The following PLD1 variants were observed in gnomAD, a reference collection of about 807,000 sequenced individuals.
PLD1 encodes the protein choline phosphatase 1.
In PLD1, 112 loss-of-function variants were observed where a neutral mutation model predicts 137.1. The observed-to-expected ratio is 0.82, with a 90% CI of 0.70 to 0.96. PLD1 has a LOEUF of 0.96. Among genes scored for constraint, PLD1 ranks in the 40% least tolerant of loss-of-function variants. The pLI is 0.00. For synonymous variants in PLD1, 431 were observed against 454.7 expected (o/e 0.95, Z 0.66); for missense variants, 1,321 against 1,342.0 (o/e 0.98, Z 0.24).
At chr3:171,652,603 A>T (rs962507877) in intron 21 of PLD1, among the ~76,000 whole-genome samples, 8 of 147,990 alleles carry the variant, frequency 5.4e-5, no homozygotes, top group Non-Finnish European at 9.0e-5. Context: ...CATTCATCTG[A>T]TTTTTTTTTT....
At chr3:171,661,976 T>C (rs1265788194) in intron 20 of PLD1, 84 bp downstream of exon 20, 1 of 696,764 alleles carries the variant, frequency 1.4e-6, no homozygotes, top group Non-Finnish European at 2.5e-6. Flanking sequence ...ATATGAGGGG[T>C]CCTAAGTTTG....
intron 1 of PLD1, among the ~76,000 whole-genome samples, chr3:171,782,435 A>T (rs1451614127): frequency 6.6e-6 from 1 of 152,246 alleles, no homozygotes; most frequent in East Asian, 1.9e-4. Flanking sequence ...ACAAATAGGG[A>T]AGGAAATTAA....
intron 26 of PLD1, among the ~76,000 whole-genome samples, chr3:171,604,569 TG>T (rs1330402394): frequency 1.3e-5 from 2 of 152,178 alleles, no homozygotes; most frequent in East Asian, 3.8e-4. Context: ...TTTTCCCTGA[TG>T]GGCAACTAGC....
At chr3:171,697,309 A>C (rs1403680513) in intron 12 of PLD1, among the ~76,000 whole-genome samples, 3 of 143,598 alleles carry the variant, frequency 2.1e-5, no homozygotes, top group Non-Finnish European at 4.5e-5. Context: ...CAGTGGCACA[A>C]TCTCGACTCA....
chr3:171,660,411 G>A (rs1046279906), intron 20 of PLD1, among the ~76,000 whole-genome samples: 2 of 152,162 alleles, frequency 1.3e-5, no homozygotes, highest in African/African-American at 2.4e-5. Context: ...CTCAGCAGCT[G>A]TAAACACAGA....
chr3:171,775,216 C>A lies in PLD1; in HGVS notation c.-32+35183G>T, dbSNP rs868516716. On this transcript the variant is annotated intron_variant, in intron 1 of 26. Transcript: ENST00000351298. ...ACGTCAAAGATATTTTCTTAGACAT[C>A]AAGGATTTTTCATATCACATTAGTT... 4.6e-5 allele frequency among the ~76,000 whole-genome samples: 7 copies of A among 152,138 alleles called. No homozygotes were observed. In the South Asian group the frequency reaches 1.2e-3, roughly 27 times the overall value.
chr3:171,779,533 T>C (rs1722709133), intron 1 of PLD1, among the ~76,000 whole-genome samples: 1 of 152,226 alleles, frequency 6.6e-6, no homozygotes, highest in South Asian at 2.1e-4. Flanking sequence ...TGAGAGACCT[T>C]TTAGATATCC....
In PLD1 at chr3:171,626,684, TG is replaced by T. The variant is rs1269046196; in HGVS notation, c.2594-6165del. Among the ~76,000 whole-genome samples the T allele has an allele frequency of 5.3e-5, 8 of 151,540 alleles. 1 individual carries two copies. Among genetic ancestry groups the T allele is most frequent in the African/African-American group, 1.7e-4 (7 of 41,016 alleles). Reference sequence around the variant, plus strand: ...AGAAACTCTACAAGCCAGAAGAGAGTGGGGGCCAATATTCAACATTCTTAAA... The same window carrying T: ...AGAAACTCTACAAGCCAGAAGAGAGTGGGGCCAATATTCAACATTCTTAAA... On this transcript the variant is annotated intron_variant, in intron 23 of 26. Transcript: ENST00000351298.
chr3:171,766,306 T>A (rs1397105663), intron 1 of PLD1, among the ~76,000 whole-genome samples: 1 of 152,168 alleles, frequency 6.6e-6, no homozygotes, highest in Non-Finnish European at 1.5e-5. Flanking sequence ...TTCCCTTTTT[T>A]AAAATGAATA....
chr3:171,771,820 C>T (rs1366018099), intron 1 of PLD1, among the ~76,000 whole-genome samples: 5 of 152,164 alleles, frequency 3.3e-5, no homozygotes, highest in African/African-American at 1.2e-4. Context: ...AGCTTAAAAA[C>T]CTCATCAAAT....
At chr3:171,761,214 C>T (rs1721369489) in intron 1 of PLD1, among the ~76,000 whole-genome samples, 1 of 152,164 alleles carries the variant, frequency 6.6e-6, no homozygotes, top group Non-Finnish European at 1.5e-5. Context: ...GTGGTAGGAA[C>T]ACACTTTATA....
chr3:171,726,407 G>T (rs898411005), intron 6 of PLD1, among the ~76,000 whole-genome samples: 1 of 152,130 alleles, frequency 6.6e-6, no homozygotes, highest in East Asian at 1.9e-4. Flanking sequence ...GATGGATATT[G>T]TGTGGCACAG....
At chr3:171,733,115 TA>T (rs1422810577) in intron 6 of PLD1, among the ~76,000 whole-genome samples, 1 of 152,186 alleles carries the variant, frequency 6.6e-6, no homozygotes, top group Non-Finnish European at 1.5e-5. Context: ...TCTTTGTAGC[TA>T]AAAAATGCTT....
intron 21 of PLD1, among the ~76,000 whole-genome samples, chr3:171,652,238 C>A (rs1343216409): frequency 1.3e-5 from 2 of 151,948 alleles, no homozygotes; most frequent in Non-Finnish European, 2.9e-5. Context: ...ACAGTGAAAC[C>A]CCGTCTCTAC....
intron 23 of PLD1, among the ~76,000 whole-genome samples, chr3:171,629,550 G>A (rs1273265466): frequency 6.6e-6 from 1 of 152,150 alleles, no homozygotes; most frequent in Non-Finnish European, 1.5e-5. Context: ...AGCCCGCATT[G>A]CCAAGTCAAT....
At chr3:171,688,962 AG>A in intron 13 of PLD1, 86 bp from the exon 14 acceptor site, 1 of 947,158 alleles carries the variant, frequency 1.1e-6, no homozygotes, top group Non-Finnish European at 1.7e-6. Context: ...CTCCCTGAAA[AG>A]CATTTTCTAT....
chr3:171,737,575 T>A lies in PLD1; in HGVS notation c.245A>T (p.Lys82Ile), dbSNP rs1430878673. Residue 82 changes from lysine (K) to isoleucine (I), a missense_variant, in exon 3 of 27, where the codon AAA (lysine) becomes ATA (isoleucine). Coordinates refer to ENST00000351298, the MANE Select transcript of PLD1 (RefSeq NM_002662.5). ...GCGTTCCACTTCCAGAACTTGTGCT[T>A]TTATTGGACAGCCGGAGAGATACGT... Reference protein sequence around the residue: ...IQTYLSGCPIKAQVLEVERFT... With the variant: ...IQTYLSGCPIIAQVLEVERFT... 8 of 1,613,002 alleles carry A rather than the reference T, an allele frequency of 5.0e-6. No homozygotes were observed. The highest frequency in any genetic ancestry group is 4.5e-5 in the East Asian group (2 of 44,874).
intron 1 of PLD1, among the ~76,000 whole-genome samples, chr3:171,773,529 G>A (rs1391319102): frequency 6.6e-6 from 1 of 152,056 alleles, no homozygotes; most frequent in African/African-American, 2.4e-5. Context: ...TTGAACCCGG[G>A]AGGCGGAGGT....
intron 12 of PLD1, among the ~76,000 whole-genome samples, chr3:171,697,515 T>A (rs1715863147): frequency 6.6e-6 from 1 of 151,898 alleles, no homozygotes; most frequent in African/African-American, 2.4e-5. Context: ...CCCCACTGTC[T>A]CCCATAAAGT....
Sources: allele counts gnomAD v4.1 joint callset (sites outside exome capture counted in the v4.1 genomes callset), GRCh38; gene constraint gnomAD v4.1.1; transcripts MANE v1.5; gene names NCBI Gene and HGNC (gene_info 2026-07-23, HGNC 2026-07-21).